Variants in GRID2 observed in about 807,000 individuals in gnomAD.
GRID2 encodes the protein glutamate ionotropic receptor delta type subunit 2.
GRID2 carries 33 observed loss-of-function variants against 114.8 expected under a neutral mutation model. The observed-to-expected ratio is 0.29, with a 90% confidence interval of 0.22 to 0.38. The LOEUF (loss-of-function observed/expected upper bound fraction) is 0.38, where lower values mean the gene tolerates loss of function less well. Ranked by LOEUF, GRID2 falls within the 10% of genes least tolerant of loss-of-function variation. The pLI is 1.00. For missense variants in GRID2, 1,184 were observed against 1,257.7 expected, an observed-to-expected ratio of 0.94 and a Z score of 0.89; for synonymous variants, 505 against 449.9, an observed-to-expected ratio of 1.12 and a Z score of -1.55.
chr4:93,557,792 C>T (rs2196323), intron 13 of GRID2, among the ~76,000 whole-genome samples: 48,107 of 151,968 alleles, frequency 0.32, 8,391 homozygotes, highest in African/African-American at 0.45. Context: ...TACATTCTTC[C>T]CAGCACCACA....
At chr4:93,076,075 T>C (rs1426830152) in intron 2 of GRID2, among the ~76,000 whole-genome samples, 1 of 151,942 alleles carries the variant, frequency 6.6e-6, no homozygotes, top group Non-Finnish European at 1.5e-5. Flanking sequence ...GCTAATTTTT[T>C]GTATTTTTAG....
chr4:93,144,910 C>T (rs1736070972), intron 4 of GRID2, among the ~76,000 whole-genome samples: 1 of 152,132 alleles, frequency 6.6e-6, no homozygotes, highest in South Asian at 2.1e-4. Context: ...TATCAGGGAA[C>T]AGTGGGATCT....
At chr4:93,519,014 G>C (rs192897004) in intron 13 of GRID2, among the ~76,000 whole-genome samples, 1 of 152,252 alleles carries the variant, frequency 6.6e-6, no homozygotes, top group East Asian at 1.9e-4. Context: ...AGCAGTGTCT[G>C]CATCACGTGA....
chr4:93,661,085 G>T lies in GRID2; in HGVS notation c.2360+34650G>T, dbSNP rs548475515. Reference sequence around the variant, plus strand: ...GATGAAAGTTGTCCCCAGATATGCAGAAATGAAATGGAGAATTGCATCCCA... The same window carrying T: ...GATGAAAGTTGTCCCCAGATATGCATAAATGAAATGGAGAATTGCATCCCA... On this transcript the variant is annotated intron_variant, in intron 14 of 15. Transcript: ENST00000282020. 5.3e-5 allele frequency among the ~76,000 whole-genome samples: 8 copies of T among 152,312 alleles called. No homozygotes were observed. The South Asian group carries it at 1.7e-3, about 32-fold the overall frequency.
chr4:93,245,828 G>T (rs1359262603), intron 8 of GRID2, among the ~76,000 whole-genome samples: 1 of 152,170 alleles, frequency 6.6e-6, no homozygotes, highest in Non-Finnish European at 1.5e-5. Flanking sequence ...AATTATGTTT[G>T]TAGGTTACAC....
chr4:92,536,451 T>C (rs1187867565), intron 1 of GRID2, among the ~76,000 whole-genome samples: 1 of 152,196 alleles, frequency 6.6e-6, no homozygotes, highest in Non-Finnish European at 1.5e-5. Flanking sequence ...TAGACAGACC[T>C]ACCCTGTAGA....
At chr4:93,240,498 G>A (rs1188789359) in intron 8 of GRID2, among the ~76,000 whole-genome samples, 1 of 150,380 alleles carries the variant, frequency 6.6e-6, no homozygotes, top group Non-Finnish European at 1.5e-5. Flanking sequence ...TAGAAGTTAT[G>A]TATATATTCT....
intron 1 of GRID2, among the ~76,000 whole-genome samples, chr4:92,354,982 G>T (rs148615413): frequency 5.6e-4 from 85 of 151,990 alleles, no homozygotes; most frequent in African/African-American, 1.9e-3. Context: ...TGAAATCCTT[G>T]TTTTAAGATC....
Position 92,346,333 on chromosome 4 carries a change from T to A in GRID2, c.88+41589T>A, listed in dbSNP as rs116254438. Among the ~76,000 whole-genome samples the A allele has an allele frequency of 5.8e-3, 881 of 152,290 alleles. 2 individuals carry two copies. The highest frequency in any genetic ancestry group is 0.02 in the African/African-American group (852 of 41,564). On this transcript the variant is annotated intron_variant, in intron 1 of 15. Coordinates refer to ENST00000282020, the MANE Select transcript of GRID2 (RefSeq NM_001510.4). ...ACAACATTATATTTCATTCATGGTA[T>A]AATTTGACTCATATTTTATTTTCTG...
At chr4:93,039,301 C>T (rs1725255769) in intron 2 of GRID2, among the ~76,000 whole-genome samples, 1 of 150,306 alleles carries the variant, frequency 6.7e-6, no homozygotes, top group Non-Finnish European at 1.5e-5. Flanking sequence ...GGGAACATCA[C>T]ACAGCGGGGC....
intron 1 of GRID2, among the ~76,000 whole-genome samples, chr4:92,440,777 T>G (rs1248082676): frequency 1.3e-5 from 2 of 151,268 alleles, no homozygotes; most frequent in Non-Finnish European, 2.9e-5. Flanking sequence ...GGAAATGGGG[T>G]GAATGTCAGG....
chr4:92,806,166 G>GATAC (rs71579579), intron 2 of GRID2, among the ~76,000 whole-genome samples: 4 of 133,258 alleles, frequency 3.0e-5, no homozygotes, highest in South Asian at 2.6e-4. Flanking sequence ...ATAGGCTATC[G>GATAC]ACACACACAC....
intron 1 of GRID2, among the ~76,000 whole-genome samples, chr4:92,310,451 A>G (rs1359285769): frequency 1.3e-5 from 2 of 152,052 alleles, no homozygotes; most frequent in Non-Finnish European, 2.9e-5. Flanking sequence ...GATTAGACAG[A>G]TGTCTAAAAG....
chr4:92,679,205 A>G (rs1355772142), intron 2 of GRID2, among the ~76,000 whole-genome samples: 2 of 152,112 alleles, frequency 1.3e-5, no homozygotes, highest in African/African-American at 2.4e-5. Flanking sequence ...TTCAACCAGT[A>G]TGGTCTTTTT....
intron 8 of GRID2, among the ~76,000 whole-genome samples, chr4:93,266,261 A>G (rs1231555096): frequency 6.6e-6 from 1 of 152,150 alleles, no homozygotes; most frequent in Non-Finnish European, 1.5e-5. Context: ...GAACAAAACA[A>G]TTTTATTCGA....
intron 2 of GRID2, among the ~76,000 whole-genome samples, chr4:92,800,015 T>C (rs973391063): frequency 1.3e-5 from 2 of 152,004 alleles, no homozygotes; most frequent in Non-Finnish European, 2.9e-5. Flanking sequence ...TTACAATTCC[T>C]ATAATTAATA....
At chr4:92,881,713 T>G (rs1399399458) in intron 2 of GRID2, among the ~76,000 whole-genome samples, 1 of 152,168 alleles carries the variant, frequency 6.6e-6, no homozygotes, top group Non-Finnish European at 1.5e-5. Flanking sequence ...TTTTAGGTAT[T>G]GTTTTTATTA....
intron 10 of GRID2, among the ~76,000 whole-genome samples, chr4:93,433,867 C>T (rs1027806486): frequency 3.3e-5 from 5 of 152,172 alleles, no homozygotes; most frequent in Admixed American, 6.5e-5. Flanking sequence ...TTTACACCCT[C>T]GTCATGTTCA....
At chr4:93,432,141 C>A (rs148934803) in intron 10 of GRID2, among the ~76,000 whole-genome samples, 118 of 152,214 alleles carry the variant, frequency 7.8e-4, no homozygotes, top group Non-Finnish European at 1.6e-3. Context: ...TAAATCAGAA[C>A]AGATAAAAGA....
Sources: allele counts gnomAD v4.1 joint callset (sites outside exome capture counted in the v4.1 genomes callset), GRCh38; gene constraint gnomAD v4.1.1; transcripts MANE v1.5; gene names NCBI Gene and HGNC (gene_info 2026-07-23, HGNC 2026-07-21).